DLGAP1: variants seen among roughly 807,000 people sequenced by gnomAD.
The protein encoded by DLGAP1 is DLG associated protein 1, also known as disks large-associated protein 1.
A neutral mutation model predicts 90.8 loss-of-function variants in DLGAP1; 11 were observed. The ratio of observed to expected loss-of-function variants is 0.12; its 90% confidence interval spans 0.08 to 0.20. The LOEUF is 0.20. Ranked by LOEUF, DLGAP1 falls within the 10% of genes least tolerant of loss-of-function variation. The pLI is 1.00. For synonymous variants in DLGAP1, 558 were observed against 540.7 expected (o/e 1.03, Z -0.44); for missense variants, 1,050 against 1,333.8 (o/e 0.79, Z 3.31).
intron 1 of DLGAP1, among the ~76,000 whole-genome samples, chr18:4,427,854 A>C (rs2083190493): frequency 6.6e-6 from 1 of 152,196 alleles, no homozygotes; most frequent in African/African-American, 2.4e-5. Context: ...CACAGTTTTT[A>C]TGGGAAAAAT....
intron 4 of DLGAP1, among the ~76,000 whole-genome samples, chr18:3,834,193 C>A (rs938715787): frequency 2.0e-5 from 3 of 150,308 alleles, no homozygotes; most frequent in Non-Finnish European, 2.9e-5. Flanking sequence ...GTAGTCCCAG[C>A]TACTCAGGAG....
intron 7 of DLGAP1, among the ~76,000 whole-genome samples, chr18:3,674,527 G>T (rs1018463644): frequency 6.6e-6 from 1 of 151,910 alleles, no homozygotes; most frequent in African/African-American, 2.4e-5. Context: ...GGCTGAGGTG[G>T]GAGGATCACT....
At chr18:3,976,211 A>ATAG (rs1399723098) in intron 3 of DLGAP1, among the ~76,000 whole-genome samples, 2,669 of 148,914 alleles carry the variant, frequency 0.018, 44 homozygotes, top group Non-Finnish European at 0.029. Context: ...AATAATAATA[A>ATAG]TAATAATAAC....
At chr18:3,518,202 C>T (rs2050958808) in intron 10 of DLGAP1, among the ~76,000 whole-genome samples, 2 of 152,142 alleles carry the variant, frequency 1.3e-5, no homozygotes, top group South Asian at 4.1e-4. Flanking sequence ...ATTATTGTGA[C>T]TCAAGGCATA....
intron 1 of DLGAP1, among the ~76,000 whole-genome samples, chr18:4,382,809 G>T (rs757416114): frequency 1.3e-5 from 2 of 151,946 alleles, no homozygotes; most frequent in Non-Finnish European, 2.9e-5. Context: ...ACTACTTTAG[G>T]CATAATAAAG....
At chr18:3,661,034 A>G (rs1297879592) in intron 7 of DLGAP1, among the ~76,000 whole-genome samples, 4 of 152,300 alleles carry the variant, frequency 2.6e-5, no homozygotes, top group Non-Finnish European at 4.4e-5. Context: ...GACTTTTTCA[A>G]AAGATCATGT....
chr18:4,412,952 C>T (rs974119582), intron 1 of DLGAP1, among the ~76,000 whole-genome samples: 2 of 152,132 alleles, frequency 1.3e-5, no homozygotes, highest in East Asian at 3.9e-4. Context: ...GATGGCAGAT[C>T]GGAGGGGATG....
chr18:4,193,428 T>C (rs529758762), intron 1 of DLGAP1, among the ~76,000 whole-genome samples: 1 of 152,314 alleles, frequency 6.6e-6, no homozygotes, highest in East Asian at 1.9e-4. Context: ...ACTCTGTGGC[T>C]GTATGAAAGT....
At chr18:3,663,117 C>T (rs2059744968) in intron 7 of DLGAP1, among the ~76,000 whole-genome samples, 1 of 151,956 alleles carries the variant, frequency 6.6e-6, no homozygotes, top group Non-Finnish European at 1.5e-5. Context: ...ACTAAAAATA[C>T]AAAATTAGCC....
Position 3,534,468 on chromosome 18 carries a change from G to A in DLGAP1, c.2205C>T (p.Ser735=). 1 of 1,614,226 alleles carries A rather than the reference G, an allele frequency of 6.2e-7. No individual in the cohort carries two copies. The highest frequency in any genetic ancestry group is 8.5e-7 in the Non-Finnish European group (1 of 1,180,042). The part of the protein sequence containing the change: ...PMARQFSRDA[S]TSTVSIQGSG... Reference sequence around the variant, plus strand: ...AGCCCTGAATGCTGACTGTGGAGGTGCTGGCATCGCGGGAGAACTGTCTGG... The same window carrying A: ...AGCCCTGAATGCTGACTGTGGAGGTACTGGCATCGCGGGAGAACTGTCTGG... The change falls in exon 10 of 13, where the codon AGC becomes AGT. Residue 735 remains serine (S), a synonymous_variant. Transcript: ENST00000315677.
At chr18:4,204,191 T>C (rs1001645772) in intron 1 of DLGAP1, among the ~76,000 whole-genome samples, 1 of 152,214 alleles carries the variant, frequency 6.6e-6, no homozygotes, top group African/African-American at 2.4e-5. Context: ...TCAATAAAAC[T>C]AGAAGAGTTT....
chr18:3,816,367 A>G (rs2067106559), intron 4 of DLGAP1, among the ~76,000 whole-genome samples: 1 of 152,244 alleles, frequency 6.6e-6, no homozygotes, highest in South Asian at 2.1e-4. Context: ...TCTAAATATT[A>G]TAGGTTCTAA....
intron 7 of DLGAP1, among the ~76,000 whole-genome samples, chr18:3,604,825 C>G (rs1255211083): frequency 6.6e-6 from 1 of 152,122 alleles, no homozygotes; most frequent in Non-Finnish European, 1.5e-5. Context: ...TTAGAAAATG[C>G]AAAATGTTAG....
intron 7 of DLGAP1, among the ~76,000 whole-genome samples, chr18:3,598,737 G>A (rs1434607629): frequency 6.6e-6 from 1 of 151,836 alleles, no homozygotes. Flanking sequence ...CAAAGTGCTG[G>A]GATTAAGGGC....
chr18:4,014,997 C>A (rs1430200066), intron 2 of DLGAP1, among the ~76,000 whole-genome samples: 1 of 152,144 alleles, frequency 6.6e-6, no homozygotes, highest in Non-Finnish European at 1.5e-5. Context: ...ACACTGGGCC[C>A]AGACTCTTGC....
chr18:4,105,835 C>T (rs940287060), intron 2 of DLGAP1, among the ~76,000 whole-genome samples: 1 of 151,612 alleles, frequency 6.6e-6, no homozygotes, highest in African/African-American at 2.4e-5. Context: ...TCGAGACCAT[C>T]CTGGCTAACA....
chr18:4,280,077 AAT>A (rs2079513910), intron 1 of DLGAP1, among the ~76,000 whole-genome samples: 1 of 152,170 alleles, frequency 6.6e-6, no homozygotes, highest in Admixed American at 6.5e-5. Flanking sequence ...GATTTTGTTA[AAT>A]ATGACATACT....
intron 9 of DLGAP1, among the ~76,000 whole-genome samples, chr18:3,566,010 T>A (rs2054408152): frequency 6.6e-6 from 1 of 152,166 alleles, no homozygotes; most frequent in African/African-American, 2.4e-5. Flanking sequence ...TCACCTAACA[T>A]TGTATCATGG....
At chr18:4,424,166 T>A (rs1054435843) in intron 1 of DLGAP1, among the ~76,000 whole-genome samples, 6 of 151,886 alleles carry the variant, frequency 4.0e-5, no homozygotes, top group Non-Finnish European at 5.9e-5. Flanking sequence ...AAAATTTTTT[T>A]AACAATTCCT....
Sources: gnomAD v4.1 joint callset for allele counts (sites outside exome capture counted in the v4.1 genomes callset) on GRCh38, gnomAD v4.1.1 for gene constraint, MANE v1.5 for transcripts, NCBI Gene and HGNC (gene_info 2026-07-23, HGNC 2026-07-21) for gene names.